Variants in NTNG2 observed in about 807,000 individuals in gnomAD.
NTNG2 encodes netrin-G2.
In NTNG2, 15 loss-of-function variants were observed where a neutral mutation model predicts 47.6. The observed-to-expected ratio is 0.32, with a 90% CI of 0.21 to 0.49. The LOEUF (loss-of-function observed/expected upper bound fraction) is 0.49. Ranked by LOEUF, NTNG2 falls within the 20% of genes least tolerant of loss-of-function variation. The pLI is 0.99. For synonymous variants in NTNG2, 307 were observed against 324.6 expected (o/e 0.95, Z 0.58); for missense variants, 578 against 764.6 (o/e 0.76, Z 2.88).
At chr9:132,169,477 C>A (rs895200512) in intron 2 of NTNG2, among the ~76,000 whole-genome samples, 2 of 152,204 alleles carry the variant, frequency 1.3e-5, no homozygotes, top group African/African-American at 4.8e-5. Context: ...AGGGTCCGGG[C>A]AGTAGGATGC....
intron 3 of NTNG2, among the ~76,000 whole-genome samples, chr9:132,210,631 C>A (rs1317905099): frequency 3.9e-5 from 6 of 152,206 alleles, no homozygotes; most frequent in African/African-American, 1.4e-4. Flanking sequence ...AGGCTCCTGT[C>A]CCCCCGACCC....
At chr9:132,184,752 A>G (rs1228116208) in intron 2 of NTNG2, among the ~76,000 whole-genome samples, 1 of 152,180 alleles carries the variant, frequency 6.6e-6, no homozygotes, top group Non-Finnish European at 1.5e-5. Context: ...GGGGAAACCC[A>G]GTCTCTACTA....
intron 2 of NTNG2, among the ~76,000 whole-genome samples, chr9:132,184,462 C>T (rs1837185379): frequency 6.6e-6 from 1 of 152,210 alleles, no homozygotes; most frequent in African/African-American, 2.4e-5. Context: ...CCCAGTGCTC[C>T]CTTGGGACTG....
intron 5 of NTNG2, chr9:132,233,547 A>G (rs1371896716): frequency 6.6e-6 from 1 of 152,118 alleles, no homozygotes; most frequent in South Asian, 2.1e-4. Context: ...GCTGCTCTGC[A>G]CCCTCAGCCC....
rs549662093 is a variant in NTNG2 at position 132,213,601 on chromosome 9, C to T, written c.858-13248C>T. Among the ~76,000 whole-genome samples the T allele has an allele frequency of 8.5e-5, 13 of 152,304 alleles. No homozygotes were observed. The South Asian group carries it at 1.5e-3, about 17-fold the overall frequency. On this transcript the variant is annotated intron_variant, in intron 3 of 7. Transcript: ENST00000393229. ...GCCTCCTCCTTCATCCTGCAGAACA[C>T]GCCAGCCTCCCTTGTGAGCATCTCC... is the stretch of plus-strand genomic sequence containing the variant.
chr9:132,182,119 G>A lies in NTNG2; in HGVS notation c.213+15075G>A, dbSNP rs571755278. ...TGCCCTTTGAGACACAATGGAGTCC[G>A]CTAATCCAGTTACTTGATAATTCAC... On this transcript the variant is annotated intron_variant, in intron 2 of 7. Transcript: ENST00000393229. The surrounding 1 kb of genome is among the most constrained non-coding windows in gnomAD (Gnocchi z 4.2). Among the ~76,000 whole-genome samples the A allele has an allele frequency of 6.2e-4, 95 of 152,356 alleles. No individual in the cohort carries two copies. The highest frequency in any genetic ancestry group is 6.3e-4 in the Non-Finnish European group (43 of 68,042).
At position 132,215,075 on chromosome 9, in the gene NTNG2, A is replaced by T. The variant is rs1839871715; in HGVS notation, c.858-11774A>T. On this transcript the variant is annotated intron_variant, in intron 3 of 7. Transcript: ENST00000393229. This position sits in a 1 kb window ranked among gnomAD's most constrained non-coding sequence, Gnocchi z 4.2. ...TGTTTTTTTTAATTTTTTTGTAGAG[A>T]TTGGGGGGGGGGGTCTCACTTTCTT... 1.3e-5 allele frequency among the ~76,000 whole-genome samples: 1 copy of T among 76,044 alleles called. No individual in the cohort carries two copies. Among genetic ancestry groups the T allele is most frequent in the East Asian group, 4.4e-4 (1 of 2,270 alleles). 49.9% of individuals were successfully genotyped at this position (76,044 alleles called of 152,430 possible). A position where few individuals can be genotyped will look rare whatever the true frequency, so the allele number is the denominator to read the frequency against.
chr9:132,243,712 C>T lies in NTNG2; in HGVS notation c.*1601C>T, dbSNP rs1842114463. 6.6e-6 allele frequency: 1 copy of T among 152,312 alleles called. No individual in the cohort carries two copies. Among genetic ancestry groups the T allele is most frequent in the Admixed American group, 6.5e-5 (1 of 15,290 alleles). The allele number at this position is 152,312 out of a possible 1,614,324, so 9.4% of individuals were successfully genotyped here. A position where few individuals can be genotyped will look rare whatever the true frequency, so the allele number is the denominator to read the frequency against. On this transcript the variant is annotated 3_prime_UTR_variant, in exon 8 of 8. Coordinates refer to ENST00000393229, the MANE Select transcript of NTNG2 (RefSeq NM_032536.4). ...TTAGACCTGGGTCCTTCCCTTGAGT[C>T]CCCAAAGCTAAGCTAAGACCAAGTG...
At chr9:132,191,785 G>C (rs1289982325) in intron 2 of NTNG2, among the ~76,000 whole-genome samples, 1 of 152,122 alleles carries the variant, frequency 6.6e-6, no homozygotes, top group Admixed American at 6.5e-5. Flanking sequence ...TGTTAGCCAG[G>C]ATGGTCTCGA....
chr9:132,164,978 A>G (rs1368852651), intron 1 of NTNG2, among the ~76,000 whole-genome samples: 2 of 152,244 alleles, frequency 1.3e-5, no homozygotes, highest in Admixed American at 1.3e-4. Flanking sequence ...TTTCACGGAA[A>G]CACAGTTAAC....
chr9:132,229,884 C>T (rs541454421), intron 4 of NTNG2, among the ~76,000 whole-genome samples: 2 of 152,224 alleles, frequency 1.3e-5, no homozygotes, highest in Non-Finnish European at 2.9e-5. Context: ...ATTTCAAGGC[C>T]CCTGGTCACA....
chr9:132,234,386 C>T (rs557872541), intron 5 of NTNG2, among the ~76,000 whole-genome samples: 3 of 152,212 alleles, frequency 2.0e-5, no homozygotes, highest in Non-Finnish European at 4.4e-5. Flanking sequence ...AGGAGCAGAC[C>T]GGGCTTCCAT....
chr9:132,209,145 T>A (rs1230023451), intron 3 of NTNG2, among the ~76,000 whole-genome samples: 1 of 152,212 alleles, frequency 6.6e-6, no homozygotes, highest in African/African-American at 2.4e-5. Context: ...CTATAAACAT[T>A]CGTGGAAAGG....
intron 3 of NTNG2, among the ~76,000 whole-genome samples, chr9:132,216,609 T>A (rs1840014754): frequency 6.6e-6 from 1 of 152,086 alleles, no homozygotes; most frequent in Admixed American, 6.5e-5. Flanking sequence ...CCTATCTCTA[T>A]GTTCATTATT....
chr9:132,231,217 G>A lies in NTNG2; in HGVS notation c.1054+622G>A, dbSNP rs1339921662. The A allele has an allele frequency of 2.8e-5, 12 of 435,456 alleles. No homozygotes were observed. The highest frequency in any genetic ancestry group is 3.7e-5 in the Non-Finnish European group (8 of 216,608). 27.0% of individuals were successfully genotyped at this position (435,456 alleles called of 1,614,324 possible). ...CCCAGGAGGGCGAGGGCGACATGGC[G>A]CCCACAGGTTATCAGTAAATGTCAT... On this transcript the variant is annotated intron_variant, in intron 5 of 7. Coordinates refer to ENST00000393229, the MANE Select transcript of NTNG2 (RefSeq NM_032536.4). This position sits in a 1 kb window ranked among gnomAD's most constrained non-coding sequence, Gnocchi z 4.1.
intron 3 of NTNG2, among the ~76,000 whole-genome samples, chr9:132,204,793 G>A (rs1392036394): frequency 6.6e-6 from 1 of 152,232 alleles, no homozygotes; most frequent in South Asian, 2.1e-4. Flanking sequence ...ATAGATGGAA[G>A]GGCTGGGTGT....
Position 132,163,717 on chromosome 9 carries a change from G to A in NTNG2, c.-484+1478G>A, listed in dbSNP as rs201538892. 3.2e-3 allele frequency among the ~76,000 whole-genome samples: 491 copies of A among 152,324 alleles called. 6 individuals carry two copies. Among genetic ancestry groups the A allele is most frequent in the Admixed American group, 0.022 (339 of 15,300 alleles). On this transcript the variant is annotated intron_variant, in intron 1 of 7. Coordinates refer to ENST00000393229, the MANE Select transcript of NTNG2 (RefSeq NM_032536.4). This position sits in a 1 kb window ranked among gnomAD's most constrained non-coding sequence, Gnocchi z 7.2. ...CCGCGGCAAGTTTCCCACACGGCGA[G>A]GGCGCAGCAGGCAACTCCAAGAGGA...
intron 2 of NTNG2, among the ~76,000 whole-genome samples, chr9:132,179,071 T>C (rs1042692008): frequency 2.6e-5 from 4 of 151,124 alleles, no homozygotes; most frequent in African/African-American, 9.7e-5. Context: ...GAGCCCCCCA[T>C]GAGGAGCTTC....
rs1201914397 is a variant in NTNG2, at chr9:132,163,764, G to A, written c.-484+1525G>A. 6.6e-6 allele frequency among the ~76,000 whole-genome samples: 1 copy of A among 152,248 alleles called. No individual in the cohort carries two copies. ...AGGAACCTGCTGGCGAGCCCAGCCA[G>A]CTCGGGAGGCGCTAATTCAATAAGA... is the stretch of plus-strand genomic sequence containing the variant. On this transcript the variant is annotated intron_variant, in intron 1 of 7. Transcript: ENST00000393229. This position sits in a 1 kb window ranked among gnomAD's most constrained non-coding sequence, Gnocchi z 7.2.
Sources: gnomAD v4.1 joint callset for allele counts (sites outside exome capture counted in the v4.1 genomes callset) on GRCh38, gnomAD v4.1.1 for gene constraint, Gnocchi (gnomAD v3.1) non-coding constraint, MANE v1.5 for transcripts, NCBI Gene and HGNC (gene_info 2026-07-23, HGNC 2026-07-21) for gene names.